The following NBDY variants were observed in gnomAD, a reference collection of about 807,000 sequenced individuals.
NBDY encodes the protein negative regulator of P-body association.
At chrX:56,787,642 A>C (rs962842609) in intron 2 of NBDY, among the ~76,000 whole-genome samples, 1 of 112,274 alleles carries the variant, frequency 8.9e-6, no homozygotes, top group Non-Finnish European at 1.9e-5. Flanking sequence ...GTAGGGGTAG[A>C]TAAAGTCCCC....
At chrX:56,798,913 T>G (rs1018781339) in intron 2 of NBDY, among the ~76,000 whole-genome samples, 2 of 111,797 alleles carry the variant, frequency 1.8e-5, no homozygotes, top group Non-Finnish European at 3.8e-5. Flanking sequence ...TTTTTCACAT[T>G]GGAAAAGGTG....
intron 2 of NBDY, among the ~76,000 whole-genome samples, chrX:56,799,078 C>A (rs1226163628): frequency 8.9e-6 from 1 of 112,063 alleles, no homozygotes; most frequent in Non-Finnish European, 1.9e-5. Context: ...GGTGTGGAGC[C>A]CCCAGGCTGA....
intron 2 of NBDY, among the ~76,000 whole-genome samples, chrX:56,788,878 G>A (rs2069745190): frequency 8.9e-6 from 1 of 112,342 alleles, no homozygotes; most frequent in Non-Finnish European, 1.9e-5. Flanking sequence ...GGTCCCAGTG[G>A]CAGGCACTCT....
intron 1 of NBDY, 97 bp downstream of exon 1, chrX:56,729,686 T>C (rs1339734252): frequency 6.9e-6 from 2 of 290,293 alleles, no homozygotes; most frequent in Non-Finnish European, 1.2e-5. Context: ...TTTCCATGAT[T>C]TCAAAATAGA....
chrX:56,789,291 C>T (rs2069747710), intron 2 of NBDY, among the ~76,000 whole-genome samples: 1 of 111,985 alleles, frequency 8.9e-6, no homozygotes, highest in Admixed American at 9.3e-5. Context: ...GGGCAGGGTA[C>T]CCAGTGAACC....
At chrX:56,798,130 T>C (rs1210402248) in intron 2 of NBDY, among the ~76,000 whole-genome samples, 2 of 112,363 alleles carry the variant, frequency 1.8e-5, no homozygotes, top group Non-Finnish European at 3.8e-5. Flanking sequence ...CAAGCATTCC[T>C]GGCTTCAGGC....
intron 2 of NBDY, among the ~76,000 whole-genome samples, chrX:56,783,931 G>A (rs750534317): frequency 2.6e-4 from 29 of 110,065 alleles, no homozygotes; most frequent in African/African-American, 1.0e-3. Context: ...TTGGGGGAAG[G>A]TGCAACAGTA....
At chrX:56,749,814 G>A (rs1041040577) in intron 2 of NBDY, among the ~76,000 whole-genome samples, 5 of 110,123 alleles carry the variant, frequency 4.5e-5, no homozygotes, top group Admixed American at 1.9e-4. Context: ...GTCATGCCCA[G>A]CTAATTTTTG....
intron 2 of NBDY, among the ~76,000 whole-genome samples, chrX:56,800,266 G>A (rs1412310645): frequency 8.9e-6 from 1 of 111,954 alleles, no homozygotes; most frequent in African/African-American, 3.3e-5. Flanking sequence ...GCACATACAT[G>A]CATCCCCACC....
intron 2 of NBDY, among the ~76,000 whole-genome samples, chrX:56,794,851 C>G (rs1237281372): frequency 3.6e-5 from 4 of 112,492 alleles, no homozygotes; most frequent in South Asian, 7.5e-4. Flanking sequence ...AAACAGGTAT[C>G]CATACATTGT....
chrX:56,804,605 G>A (rs2069840331), intron 2 of NBDY, among the ~76,000 whole-genome samples: 1 of 112,606 alleles, frequency 8.9e-6, no homozygotes, highest in Admixed American at 9.3e-5. Flanking sequence ...TGCTGGGCAT[G>A]GAAGTGAAGG....
chrX:56,734,754 C>G (rs977659231), intron 2 of NBDY, among the ~76,000 whole-genome samples: 4 of 111,973 alleles, frequency 3.6e-5, no homozygotes, highest in Non-Finnish European at 7.5e-5. Flanking sequence ...GGACCTTGGA[C>G]TTTAGCTACT....
At chrX:56,788,231 T>A (rs2069741171) in intron 2 of NBDY, among the ~76,000 whole-genome samples, 1 of 112,671 alleles carries the variant, frequency 8.9e-6, no homozygotes, top group South Asian at 3.6e-4. Context: ...TTATCTTTTT[T>A]ATTTTTTTCT....
chrX:56,787,619 A>G (rs1323093705), intron 2 of NBDY, among the ~76,000 whole-genome samples: 1 of 111,729 alleles, frequency 9.0e-6, no homozygotes, highest in African/African-American at 3.3e-5. Flanking sequence ...TTAAAAAGGG[A>G]CCCCACTTTG....
intron 2 of NBDY, among the ~76,000 whole-genome samples, chrX:56,753,106 T>C (rs1019953125): frequency 8.9e-6 from 1 of 112,530 alleles, no homozygotes; most frequent in African/African-American, 3.2e-5. Context: ...ATTAACTCAG[T>C]TCTATTCAGT....
At chrX:56,791,082 G>T (rs2069759984) in intron 2 of NBDY, among the ~76,000 whole-genome samples, 1 of 112,443 alleles carries the variant, frequency 8.9e-6, no homozygotes, top group Admixed American at 9.4e-5. Flanking sequence ...GAGGCACTCT[G>T]CATTCCAGTT....
chrX:56,763,871 G>A (rs933101943), intron 2 of NBDY, among the ~76,000 whole-genome samples: 1 of 112,336 alleles, frequency 8.9e-6, no homozygotes, highest in Non-Finnish European at 1.9e-5. Context: ...GGGAAAAGGC[G>A]GAGGCCCTGG....
intron 2 of NBDY, among the ~76,000 whole-genome samples, chrX:56,754,973 G>C (rs2069602329): frequency 9.0e-6 from 1 of 111,350 alleles, no homozygotes; most frequent in Admixed American, 9.5e-5. Context: ...AATCAGAAAT[G>C]AGAATGGAGC....
intron 2 of NBDY, among the ~76,000 whole-genome samples, chrX:56,755,201 A>C (rs1289019298): frequency 8.9e-6 from 1 of 112,341 alleles, no homozygotes; most frequent in Non-Finnish European, 1.9e-5. Flanking sequence ...AAGAAAACTT[A>C]GGCAATACCA....
Sources: gnomAD v4.1 joint callset for allele counts (sites outside exome capture counted in the v4.1 genomes callset) on GRCh38, gnomAD v4.1.1 for gene constraint, MANE v1.5 for transcripts, NCBI Gene and HGNC (gene_info 2026-07-23, HGNC 2026-07-21) for gene names.